TRAF3IP1: variants seen among roughly 807,000 people sequenced by gnomAD.
The protein encoded by TRAF3IP1 is intraflagellar transport 54.
A neutral mutation model predicts 89.9 loss-of-function variants in TRAF3IP1; 53 were observed. The observed-to-expected ratio is 0.59, with a 90% confidence interval of 0.47 to 0.74. The LOEUF is 0.74. Ranked by LOEUF, TRAF3IP1 falls within the 30% of genes least tolerant of loss-of-function variation. The pLI is 0.00. For synonymous variants in TRAF3IP1, 311 were observed against 322.1 expected (o/e 0.97, Z 0.37); for missense variants, 806 against 866.1 (o/e 0.93, Z 0.87).
chr2:238,344,748 T>G (rs2106386698), intron 9 of TRAF3IP1, 150 bp downstream of exon 9: 1 of 730,510 alleles, frequency 1.4e-6, no homozygotes, highest in East Asian at 2.7e-5. Context: ...TCTGCCTTTT[T>G]GCATAAACTA....
intron 15 of TRAF3IP1, among the ~76,000 whole-genome samples, chr2:238,373,756 T>C (rs1296353887): frequency 6.6e-6 from 1 of 152,220 alleles, no homozygotes; most frequent in Non-Finnish European, 1.5e-5. Flanking sequence ...TGATTCTTCC[T>C]ATCCATGAGC....
intron 7 of TRAF3IP1, among the ~76,000 whole-genome samples, chr2:238,334,254 G>A (rs1210085857): frequency 6.6e-6 from 1 of 152,176 alleles, no homozygotes; most frequent in Non-Finnish European, 1.5e-5. Context: ...GGGCAGAGTA[G>A]CCCCTCTTTG....
intron 7 of TRAF3IP1, among the ~76,000 whole-genome samples, chr2:238,337,104 T>A (rs999711318): frequency 2.0e-5 from 3 of 152,154 alleles, no homozygotes; most frequent in Non-Finnish European, 2.9e-5. Flanking sequence ...TTTCCTACCC[T>A]GAGTCAATCA....
In TRAF3IP1 at chr2:238,368,953, G is replaced by A. The variant is rs991387449; in HGVS notation, c.1689+12873G>A. Among the ~76,000 whole-genome samples the A allele has an allele frequency of 7.2e-5, 11 of 152,272 alleles. No individual in the cohort carries two copies. The East Asian group carries it at 1.4e-3, about 19-fold the overall frequency. On this transcript the variant is annotated intron_variant, in intron 15 of 16. Coordinates refer to ENST00000373327, the MANE Select transcript of TRAF3IP1 (RefSeq NM_015650.4). ...CTCCCAAAGTGCTGGGATTACAAGC[G>A]TGAGCCACTGCGCCTGGCCATTGAT...
intron 15 of TRAF3IP1, 73 bp from the exon 16 acceptor site, chr2:238,397,386 C>A: frequency 7.3e-7 from 1 of 1,366,654 alleles, no homozygotes; most frequent in Non-Finnish European, 1.0e-6. Flanking sequence ...TGGCCGTGTG[C>A]TGAGTGCACC....
At chr2:238,361,706 C>G (rs970295886) in intron 15 of TRAF3IP1, among the ~76,000 whole-genome samples, 12 of 152,138 alleles carry the variant, frequency 7.9e-5, no homozygotes, top group African/African-American at 2.9e-4. Context: ...TCCACTCCTC[C>G]CCGACTCTCC....
At chr2:238,353,298 G>A (rs1699256936) in intron 14 of TRAF3IP1, 89 bp downstream of exon 14, 2 of 1,439,112 alleles carry the variant, frequency 1.4e-6, no homozygotes, top group Admixed American at 3.6e-5. Flanking sequence ...CCAGTGCAAG[G>A]GACTGTTGTG....
At chr2:238,396,174 A>G (rs1377264024) in intron 15 of TRAF3IP1, among the ~76,000 whole-genome samples, 2 of 152,174 alleles carry the variant, frequency 1.3e-5, no homozygotes, top group African/African-American at 4.8e-5. Flanking sequence ...TGTGGCATAT[A>G]TACACCATGG....
intron 15 of TRAF3IP1, among the ~76,000 whole-genome samples, chr2:238,389,853 C>T (rs1313300972): frequency 6.6e-6 from 1 of 151,872 alleles, no homozygotes; most frequent in African/African-American, 2.4e-5. Context: ...ATTTATATGA[C>T]TTATAATCAA....
Position 238,379,035 on chromosome 2 carries a change from G to A in TRAF3IP1, c.1690-18424G>A, listed in dbSNP as rs1402208000. ...CGGTCCCCACCTCAGGCAGCCTGGC[G>A]CTGATGCTGATGCAGCCGCCCTGTG... On this transcript the variant is annotated intron_variant, in intron 15 of 16. Transcript: ENST00000373327. The surrounding 1 kb of genome is among the most constrained non-coding windows in gnomAD (Gnocchi z 4.0). Among the ~76,000 whole-genome samples the A allele has an allele frequency of 2.0e-5, 3 of 152,204 alleles. No homozygotes were observed. The highest frequency in any genetic ancestry group is 4.8e-5 in the African/African-American group (2 of 41,460).
At chr2:238,370,870 A>G (rs1230607821) in intron 15 of TRAF3IP1, among the ~76,000 whole-genome samples, 1 of 152,200 alleles carries the variant, frequency 6.6e-6, no homozygotes, top group Non-Finnish European at 1.5e-5. Context: ...CAGAGGTGAA[A>G]AACGAAGCTA....
rs1000621034 is a variant in TRAF3IP1 at position 238,351,441 on chromosome 2, G to A, written c.1452-1386G>A. Among the ~76,000 whole-genome samples, 1 of 152,104 alleles carries A rather than the reference G, an allele frequency of 6.6e-6. No individual in the cohort carries two copies. The highest frequency in any genetic ancestry group is 6.5e-5 in the Admixed American group (1 of 15,282). ...AATTACTGACCTTCCCTCTGGGCCCGTGACAAGAGGCCGGTGGGAGGAGCA... is the reference window on the plus strand; with the variant it reads ...AATTACTGACCTTCCCTCTGGGCCCATGACAAGAGGCCGGTGGGAGGAGCA... On this transcript the variant is annotated intron_variant, in intron 12 of 16. Transcript: ENST00000373327. The surrounding 1 kb of genome is among the most constrained non-coding windows in gnomAD (Gnocchi z 5.2).
chr2:238,371,289 G>T (rs1206771582), intron 15 of TRAF3IP1, among the ~76,000 whole-genome samples: 2 of 151,520 alleles, frequency 1.3e-5, no homozygotes, highest in East Asian at 1.9e-4. Context: ...GTTTGTTTTT[G>T]TTTTTTTTGG....
Position 238,325,712 on chromosome 2 carries a change from G to C in TRAF3IP1, c.193-97G>C, listed in dbSNP as rs910077913. On this transcript the variant is annotated intron_variant, in intron 2 of 16. Transcript: ENST00000373327. The stretch of plus-strand genomic sequence containing the variant: ...TATATATCTAAAAACAGCTTTGTAT[G>C]TAAACAGAAACTATCCTATGCCTGG... 1.4e-5 allele frequency: 17 copies of C among 1,240,260 alleles called. No individual in the cohort carries two copies. The African/African-American group carries it at 2.3e-4, about 17-fold the overall frequency. 76.8% of individuals were successfully genotyped at this position (1,240,260 alleles called of 1,614,324 possible). A position where few individuals can be genotyped will look rare whatever the true frequency, so the allele number is the denominator to read the frequency against.
chr2:238,326,286 T>G (rs957303790), intron 3 of TRAF3IP1, among the ~76,000 whole-genome samples: 2 of 152,252 alleles, frequency 1.3e-5, no homozygotes, highest in African/African-American at 4.8e-5. Flanking sequence ...CCATGCCCTC[T>G]GGCTTTCTCC....
intron 15 of TRAF3IP1, among the ~76,000 whole-genome samples, chr2:238,392,966 T>G (rs1701059285): frequency 6.6e-6 from 1 of 152,264 alleles, no homozygotes; most frequent in Non-Finnish European, 1.5e-5. Context: ...ACACGGGGGT[T>G]GTTTCCAGTT....
In TRAF3IP1 at chr2:238,341,098, G is replaced by A. The variant is rs545884662; in HGVS notation, c.1159+2641G>A. 9.2e-5 allele frequency among the ~76,000 whole-genome samples: 14 copies of A among 152,122 alleles called. No individual in the cohort carries two copies. In the Middle Eastern group the frequency reaches 0.017, roughly 185 times the overall value. On this transcript the variant is annotated intron_variant, in intron 8 of 16. Transcript: ENST00000373327. Reference sequence around the variant, plus strand: ...TGCAGTGGTATGATCATAGCTCACTGCAGTCTTGAACTCCTTGGCTCAAGT... The same window carrying A: ...TGCAGTGGTATGATCATAGCTCACTACAGTCTTGAACTCCTTGGCTCAAGT...
Position 238,345,663 on chromosome 2 carries a change from C to G in TRAF3IP1, c.1261+1065C>G, listed in dbSNP as rs1203570143. On this transcript the variant is annotated intron_variant, in intron 9 of 16. Transcript: ENST00000373327. The surrounding 1 kb of genome is among the most constrained non-coding windows in gnomAD (Gnocchi z 4.7). ...GAGAGGCCTGGACTGTGGAGGCGCC[C>G]TGGGAGGGGAGAAGTGGTAGGATTC... is the stretch of plus-strand genomic sequence containing the variant. 6.6e-6 allele frequency among the ~76,000 whole-genome samples: 1 copy of G among 152,048 alleles called. No individual in the cohort carries two copies. Among genetic ancestry groups the G allele is most frequent in the African/African-American group, 2.4e-5 (1 of 41,394 alleles).
At chr2:238,397,437 TC>T in intron 15 of TRAF3IP1, 21 bp from the exon 16 acceptor site, 1 of 1,610,688 alleles carries the variant, frequency 6.2e-7, no homozygotes, top group South Asian at 1.1e-5. Flanking sequence ...GTGTTCCTCT[TC>T]CTATGTCTCC....
Sources: gnomAD v4.1 joint callset for allele counts (sites outside exome capture counted in the v4.1 genomes callset) on GRCh38, gnomAD v4.1.1 for gene constraint, Gnocchi (gnomAD v3.1) non-coding constraint, MANE v1.5 for transcripts, NCBI Gene and HGNC (gene_info 2026-07-23, HGNC 2026-07-21) for gene names.